The following DCLRE1C variants were observed in gnomAD, a reference collection of about 807,000 sequenced individuals.
DCLRE1C encodes DNA cross-link repair 1C.
DCLRE1C carries 47 observed loss-of-function variants against 61.4 expected under a neutral mutation model. That is an observed-to-expected ratio of 0.77 (90% CI 0.61 to 0.98). The LOEUF is 0.98. DCLRE1C is among the 50% of genes least tolerant of loss of function. DCLRE1C has a pLI of 0.00. For synonymous variants in DCLRE1C, 337 were observed against 287.6 expected, an observed-to-expected ratio of 1.17 and a Z score of -1.74; for missense variants, 858 against 816.0, an observed-to-expected ratio of 1.05 and a Z score of -0.63.
At chr10:14,938,700 A>T (rs11259399) in intron 4 of DCLRE1C, among the ~76,000 whole-genome samples, 27,904 of 152,154 alleles carry the variant, frequency 0.18, 3,323 homozygotes, top group African/African-American at 0.33. Flanking sequence ...CACTTGGCAG[A>T]GCCCCTTTTC....
At chr10:14,904,151 A>T (rs772591940), downstream of DCLRE1C, 1 of 152,042 alleles carries the variant, frequency 6.6e-6, no homozygotes, top group South Asian at 2.1e-4. Context: ...CTGAAAATAC[A>T]AAAATTAGCC....
chr10:14,940,006 AAT>A (rs1240189442), intron 3 of DCLRE1C, 137 bp from the exon 4 acceptor site: 8 of 655,654 alleles, frequency 1.2e-5, no homozygotes, highest in Non-Finnish European at 2.1e-5. Flanking sequence ...CATTGTAATA[AAT>A]ATTTTAACAG....
At chr10:14,915,079 AAGTC>A (rs747119896) in intron 13 of DCLRE1C, among the ~76,000 whole-genome samples, 2 of 152,182 alleles carry the variant, frequency 1.3e-5, no homozygotes, top group Non-Finnish European at 2.9e-5. Context: ...CAAAGAAAAA[AAGTC>A]AAAGGAAAAA....
In DCLRE1C at chr10:14,934,650, C is replaced by A. The variant is rs1839597111; in HGVS notation, c.537+53G>T. The A allele has an allele frequency of 2.5e-6, 4 of 1,612,110 alleles. No individual in the cohort carries two copies. The African/African-American group carries it at 4.0e-5, about 16-fold the overall frequency. On this transcript the variant is annotated intron_variant, in intron 7 of 13. Coordinates refer to ENST00000378278, the MANE Select transcript of DCLRE1C (RefSeq NM_001033855.3). ...GACCTGTCACCCTACAAACTTCCTA[C>A]TAAAAACACGGGCACACCCAGATGA...
intron 8 of DCLRE1C, among the ~76,000 whole-genome samples, chr10:14,934,027 C>A (rs1233172539): frequency 1.3e-5 from 2 of 151,950 alleles, no homozygotes; most frequent in Non-Finnish European, 2.9e-5. Flanking sequence ...TGGAAGGGAG[C>A]AAGAGAAAAG....
chr10:14,898,927 T>C, exon 14 of DCLRE1C: 1 of 345,430 alleles, frequency 2.9e-6, no homozygotes, highest in Non-Finnish European at 5.2e-6. Context: ...GATTTAGTCC[T>C]TAACATTCAG....
chr10:14,927,960 A>T, intron 10 of DCLRE1C, 56 bp downstream of exon 10: 1 of 1,571,808 alleles, frequency 6.4e-7, no homozygotes, highest in Non-Finnish European at 8.7e-7. Flanking sequence ...AATGAAATTA[A>T]ATCAGACAAT....
chr10:14,899,788 A>G (rs1833867285), downstream of DCLRE1C: 2 of 1,328,504 alleles, frequency 1.5e-6, no homozygotes, highest in Non-Finnish European at 2.0e-6. Flanking sequence ...TCCTTTTAAC[A>G]TTTCCAAAAT....
chr10:14,926,810 G>T lies in DCLRE1C; in HGVS notation c.972+33C>A, dbSNP rs41298898. On this transcript the variant is annotated intron_variant, in intron 11 of 13. Transcript: ENST00000378278. The stretch of plus-strand genomic sequence containing the variant: ...CTACCAAGGCTGCAGAACACTGAGC[G>T]ATAAGGGTTATGAGTATATGGGATC... 8 of 1,573,502 alleles carry T rather than the reference G, an allele frequency of 5.1e-6. No individual in the cohort carries two copies. The African/African-American group carries it at 1.1e-4, about 21-fold the overall frequency.
chr10:14,950,741 C>T (rs1364834068), intron 1 of DCLRE1C, among the ~76,000 whole-genome samples: 1 of 152,222 alleles, frequency 6.6e-6, no homozygotes, highest in African/African-American at 2.4e-5. Context: ...GCAGGCAGCA[C>T]CCTGCATGGT....
intron 9 of DCLRE1C, among the ~76,000 whole-genome samples, chr10:14,929,967 G>A (rs1838694428): frequency 6.6e-6 from 1 of 152,162 alleles, no homozygotes; most frequent in Admixed American, 6.5e-5. Context: ...AAGGAAAGTA[G>A]CCCTGACAGC....
At chr10:14,953,821 C>A in intron 1 of DCLRE1C, 81 bp downstream of exon 1, 1 of 1,589,014 alleles carries the variant, frequency 6.3e-7, no homozygotes, top group Admixed American at 1.7e-5. Flanking sequence ...GCTGCAGCTC[C>A]TTGCTCCAGG....
intron 1 of DCLRE1C, among the ~76,000 whole-genome samples, chr10:14,949,814 G>A (rs538365231): frequency 1.3e-5 from 2 of 152,268 alleles, no homozygotes; most frequent in Admixed American, 6.5e-5. Context: ...GGAGGCCGAC[G>A]TAGGCGGATC....
chr10:14,938,719 G>C (rs952433190), intron 4 of DCLRE1C, among the ~76,000 whole-genome samples: 2 of 151,916 alleles, frequency 1.3e-5, no homozygotes, highest in African/African-American at 4.8e-5. Context: ...TCTGAATAAG[G>C]GTTCAGAAAA....
chr10:14,927,180 G>A (rs1232671232), intron 10 of DCLRE1C, among the ~76,000 whole-genome samples: 2 of 152,118 alleles, frequency 1.3e-5, no homozygotes, highest in African/African-American at 2.4e-5. Flanking sequence ...TCAGGAGTTC[G>A]AGACCAGCCT....
chr10:14,936,254 T>C (rs565105782), intron 5 of DCLRE1C, among the ~76,000 whole-genome samples: 1 of 152,118 alleles, frequency 6.6e-6, no homozygotes, highest in Non-Finnish European at 1.5e-5. Context: ...GTCCCCCTAG[T>C]TCAATTTGGG....
At chr10:14,930,278 CTTTTTTTTTTTTTT>C (rs60565089) in intron 9 of DCLRE1C, among the ~76,000 whole-genome samples, 2 of 85,706 alleles carry the variant, frequency 2.3e-5, no homozygotes, top group Admixed American at 2.7e-4. Flanking sequence ...CACTCAGCAC[CTTTTTTTTTTTTTT>C]TTTTTTTTTT....
downstream of DCLRE1C, chr10:14,902,394 C>T: frequency 1.3e-6 from 2 of 1,559,846 alleles, no homozygotes; most frequent in Admixed American, 1.9e-5. Context: ...ATTTCTTTTT[C>T]TGTGTCTTCA....
intron 9 of DCLRE1C, 99 bp from the exon 10 acceptor site, chr10:14,928,251 GAAAAAAT>G: frequency 9.5e-7 from 1 of 1,050,662 alleles, no homozygotes; most frequent in Non-Finnish European, 1.4e-6. Context: ...TTCCAGACAC[GAAAAAAT>G]AAAAAATAAA....
Sources: gnomAD v4.1 joint callset for allele counts (sites outside exome capture counted in the v4.1 genomes callset) on GRCh38, gnomAD v4.1.1 for gene constraint, MANE v1.5 for transcripts, NCBI Gene and HGNC (gene_info 2026-07-23, HGNC 2026-07-21) for gene names.